Variants in LAX1 observed in about 807,000 individuals in gnomAD.
LAX1 encodes the protein lymphocyte transmembrane adaptor 1, also known as lymphocyte transmembrane adapter 1.
In LAX1, 17 loss-of-function variants were observed where a neutral mutation model predicts 20.7. The observed-to-expected ratio is 0.82, with a 90% CI of 0.56 to 1.23. The LOEUF is 1.23. Ranked by LOEUF, LAX1 falls within the 50% of genes most tolerant of loss-of-function variation. LAX1 has a pLI of 0.00. For missense variants in LAX1, 470 were observed against 487.0 expected, an observed-to-expected ratio of 0.97 and a Z score of 0.33; for synonymous variants, 165 against 181.0, an observed-to-expected ratio of 0.91 and a Z score of 0.71.
At position 203,774,428 on chromosome 1, in the gene LAX1, C is replaced by G. The variant is rs1195640624; in HGVS notation, c.944C>G (p.Ser315Cys). 1 of 1,614,206 alleles carries G rather than the reference C, an allele frequency of 6.2e-7. No homozygotes were observed. The highest frequency in any genetic ancestry group is 8.5e-7 in the Non-Finnish European group (1 of 1,180,036). Residue 315 changes from serine (S) to cysteine (C), a missense_variant, in exon 5 of 5, where the codon TCC becomes TGC. By Grantham distance (112) the Ser-to-Cys change is moderately radical. Transcript: ENST00000442561. ...CAGCAGGCTGAGAAAGATGTGCCATCCTCAAACATAGGTCATGTCGAGGAC... is the reference window on the plus strand; with the variant it reads ...CAGCAGGCTGAGAAAGATGTGCCATGCTCAAACATAGGTCATGTCGAGGAC... Reference protein sequence around the residue: ...SQQQAEKDVPSSNIGHVEDKT... With the variant: ...SQQQAEKDVPCSNIGHVEDKT...
At chr1:203,771,178 G>A (rs541181135) in intron 2 of LAX1, among the ~76,000 whole-genome samples, 189 bp from the exon 3 acceptor site, 17 of 152,204 alleles carry the variant, frequency 1.1e-4, no homozygotes, top group Non-Finnish European at 2.2e-4. Context: ...TCCTCTTTAC[G>A]TTCTGTCCAT....
rs377252561 is a variant in LAX1 at position 203,773,842 on chromosome 1, A to G, written c.391-33A>G. On this transcript the variant is annotated intron_variant, in intron 4 of 4. Coordinates refer to ENST00000442561, the MANE Select transcript of LAX1 (RefSeq NM_017773.4). Reference sequence around the variant, plus strand: ...AGGCTTTGTCCATATTTCTGCTTGCATCTGACCACTGGCTTCCTTTTCTTC... The same window carrying G: ...AGGCTTTGTCCATATTTCTGCTTGCGTCTGACCACTGGCTTCCTTTTCTTC... 4.9e-6 allele frequency: 7 copies of G among 1,416,162 alleles called. No homozygotes were observed. The Admixed American group carries it at 6.3e-5, about 13-fold the overall frequency. The allele number at this position is 1,416,162 out of a possible 1,614,324, so 87.7% of individuals were successfully genotyped here. A position where few individuals can be genotyped will look rare whatever the true frequency, so the allele number is the denominator to read the frequency against.
chr1:203,770,732 A>G (rs1667407574), intron 1 of LAX1, 96 bp from the exon 2 acceptor site: 4 of 987,094 alleles, frequency 4.1e-6, no homozygotes, highest in Non-Finnish European at 6.4e-6. Flanking sequence ...CTCGGCTCCC[A>G]TTCCAAATCT....
rs756264626 is a variant in LAX1, at chr1:203,770,840, G to A, written c.102G>A (p.Gln34=). The A allele has an allele frequency of 1.2e-6, 2 of 1,613,800 alleles. No homozygotes were observed. Among genetic ancestry groups the A allele is most frequent in the African/African-American group, 2.7e-5 (2 of 74,920 alleles). ...ATTGTTTTTCTAGAAATAAAGACCA[G>A]ATCACCAACATCTTTTCCGGGTTTG... ...TPRSLDRNKD[Q]ITNIFSGFAG... Residue 34 remains glutamine, a synonymous_variant, in exon 2 of 5, where the codon CAG becomes CAA. Coordinates refer to ENST00000442561, the MANE Select transcript of LAX1 (RefSeq NM_017773.4).
At chr1:203,768,370 A>T (rs1305592069) in intron 1 of LAX1, among the ~76,000 whole-genome samples, 1 of 152,204 alleles carries the variant, frequency 6.6e-6, no homozygotes, top group Non-Finnish European at 1.5e-5. Context: ...GAGCACAGCA[A>T]GGGGACTGCA....
intron 1 of LAX1, among the ~76,000 whole-genome samples, chr1:203,768,865 C>G (rs1459387294): frequency 6.6e-6 from 1 of 152,076 alleles, no homozygotes; most frequent in East Asian, 1.9e-4. Context: ...AACAGAGGAG[C>G]AAGAGGTGGT....
At chr1:203,770,789 C>T in intron 1 of LAX1, 39 bp from the exon 2 acceptor site, 1 of 1,515,786 alleles carries the variant, frequency 6.6e-7, no homozygotes, top group Non-Finnish European at 9.2e-7. Context: ...CCTCTCCACC[C>T]TCCTACAGCT....
At chr1:203,768,814 G>T (rs1400701944) in intron 1 of LAX1, among the ~76,000 whole-genome samples, 3 of 152,186 alleles carry the variant, frequency 2.0e-5, no homozygotes, top group Admixed American at 6.6e-5. Context: ...TATTGCAAAG[G>T]TTCCTGTGAA....
At chr1:203,770,463 A>AGAGAGAGAG (rs58360126) in intron 1 of LAX1, among the ~76,000 whole-genome samples, 1 of 11,442 alleles carries the variant, frequency 8.7e-5, no homozygotes, top group African/African-American at 1.5e-4. Context: ...GAAAGGAAGG[A>AGAGAGAGAG]AGGAAGGAAG....
intron 1 of LAX1, among the ~76,000 whole-genome samples, chr1:203,766,432 A>G (rs1334793067): frequency 6.6e-6 from 1 of 152,136 alleles, no homozygotes; most frequent in African/African-American, 2.4e-5. Context: ...TTGCAGTGTC[A>G]TGTCATTGTA....
rs1235697640 is a variant in LAX1, at chr1:203,774,471, G to C, written c.987G>C (p.Gly329=). 1 of 1,614,202 alleles carries C rather than the reference G, an allele frequency of 6.2e-7. No individual in the cohort carries two copies. The change falls in exon 5 of 5, where the codon GGG becomes GGC. Residue 329 remains glycine (G), a synonymous_variant. Transcript: ENST00000442561. The part of the protein sequence containing the change: ...GHVEDKTDDP[G]THVQCVKRTF... Reference sequence around the variant, plus strand: ...TCGAGGACAAGACAGATGATCCCGGGACCCATGTCCAATGTGTCAAAAGGA... The same window carrying C: ...TCGAGGACAAGACAGATGATCCCGGCACCCATGTCCAATGTGTCAAAAGGA...
chr1:203,768,553 G>A (rs1453941534), intron 1 of LAX1, among the ~76,000 whole-genome samples: 4 of 152,210 alleles, frequency 2.6e-5, no homozygotes, highest in Admixed American at 2.6e-4. Context: ...AGGGATCCTG[G>A]CAGTCAAAGT....
intron 4 of LAX1, among the ~76,000 whole-genome samples, chr1:203,773,321 G>A (rs1667451019): frequency 6.6e-6 from 1 of 152,096 alleles, no homozygotes; most frequent in Non-Finnish European, 1.5e-5. Context: ...GGCAGTGGTA[G>A]GAGGCACCTG....
At position 203,776,039 on chromosome 1, in the gene LAX1, C is replaced by T. The variant is rs1667505608; in HGVS notation, c.*1358C>T. 6.6e-6 allele frequency: 1 copy of T among 152,206 alleles called. No individual in the cohort carries two copies. The highest frequency in any genetic ancestry group is 2.4e-5 in the African/African-American group (1 of 41,428). 9.4% of individuals were successfully genotyped at this position (152,206 alleles called of 1,614,324 possible). ...CAAACACAAGAACTATACACATGGCCAGGCGCGGTGGCTCACACCCGTAAT... is the reference window on the plus strand; with the variant it reads ...CAAACACAAGAACTATACACATGGCTAGGCGCGGTGGCTCACACCCGTAAT... On this transcript the variant is annotated 3_prime_UTR_variant, in exon 5 of 5. Transcript: ENST00000442561.
intron 1 of LAX1, among the ~76,000 whole-genome samples, chr1:203,769,397 A>AAAG (rs1553254194): frequency 5.2e-5 from 4 of 76,758 alleles, no homozygotes; most frequent in East Asian, 5.0e-4. Flanking sequence ...GTCTCAAAAA[A>AAAG]AAAGAAAGAA....
chr1:203,765,220 C>A lies in LAX1; in HGVS notation c.-346C>A. On this transcript the variant is annotated 5_prime_UTR_variant, in exon 1 of 5. Transcript: ENST00000442561. ...GTGTTGAAGGAAGACGAGCTTCTCA[C>A]GGAGCCTCTCTTGAGCCTCTTGGCA... is the stretch of plus-strand genomic sequence containing the variant. The A allele has an allele frequency of 1.2e-6, 1 of 806,560 alleles. No individual in the cohort carries two copies. The highest frequency in any genetic ancestry group is 2.0e-6 in the Non-Finnish European group (1 of 493,132). 50.0% of individuals were successfully genotyped at this position (806,560 alleles called of 1,614,324 possible). A position where few individuals can be genotyped will look rare whatever the true frequency, so the allele number is the denominator to read the frequency against.
chr1:203,771,324 G>A lies in LAX1; in HGVS notation c.200-43G>A, dbSNP rs762595773. 3.3e-6 allele frequency: 4 copies of A among 1,205,164 alleles called. No individual in the cohort carries two copies. In the East Asian group the frequency reaches 9.3e-5, roughly 28 times the overall value. 74.7% of individuals were successfully genotyped at this position (1,205,164 alleles called of 1,614,324 possible). ...CCCATGAGTCTCTTCACTCTGTGCA[G>A]CTGACCCCCGCCATGACTCCCATCT... On this transcript the variant is annotated intron_variant, in intron 2 of 4. Coordinates refer to ENST00000442561, the MANE Select transcript of LAX1 (RefSeq NM_017773.4).
intron 1 of LAX1, among the ~76,000 whole-genome samples, chr1:203,768,313 A>G (rs1667338455): frequency 6.6e-6 from 1 of 152,078 alleles, no homozygotes; most frequent in African/African-American, 2.4e-5. Context: ...CTCCATCTCA[A>G]AAAAAAAGAT....
rs1667389815 is a variant in LAX1, at chr1:203,770,459, AAGGAAGGAAGGAAGG to A, written c.90-367_90-353del. 8.5e-4 allele frequency among the ~76,000 whole-genome samples: 9 copies of A among 10,554 alleles called. 2 individuals are homozygous for A. The highest frequency in any genetic ancestry group is 0.013 in the South Asian group (2 of 160). The allele number at this position is 10,554 out of a possible 152,430, so 6.9% of individuals were successfully genotyped here. Reference sequence around the variant, plus strand: ...AGAGAGAGAGAGAGAGAGAGAAAGGAAGGAAGGAAGGAAGGAAGGAAGGAAGGAAGGAAGGAAGGA... The same window carrying A: ...AGAGAGAGAGAGAGAGAGAGAAAGGAAAGGAAGGAAGGAAGGAAGGAAGGA... On this transcript the variant is annotated intron_variant, in intron 1 of 4. Transcript: ENST00000442561.
Sources: allele counts gnomAD v4.1 joint callset (sites outside exome capture counted in the v4.1 genomes callset), GRCh38; gene constraint gnomAD v4.1.1; transcripts MANE v1.5; gene names NCBI Gene and HGNC (gene_info 2026-07-23, HGNC 2026-07-21).